SENP7: variants seen among roughly 807,000 people sequenced by gnomAD.
SENP7 encodes SUMO specific peptidase 7, also known as sentrin-specific protease 7.
A neutral mutation model predicts 141.2 loss-of-function variants in SENP7; 64 were observed. The ratio of observed to expected loss-of-function variants is 0.45; its 90% CI spans 0.37 to 0.56. The LOEUF (loss-of-function observed/expected upper bound fraction) is 0.56. Ranked by LOEUF, SENP7 falls within the 20% of genes least tolerant of loss-of-function variation. The pLI is 0.00. For missense variants in SENP7, 1,025 were observed against 1,212.2 expected, an observed-to-expected ratio of 0.85 and a Z score of 2.29; for synonymous variants, 382 against 426.4, an observed-to-expected ratio of 0.90 and a Z score of 1.28.
intron 4 of SENP7, among the ~76,000 whole-genome samples, chr3:101,434,303 T>C (rs1394818622): frequency 6.6e-6 from 1 of 151,968 alleles, no homozygotes; most frequent in Non-Finnish European, 1.5e-5. Flanking sequence ...GGAAAGTTTA[T>C]AGTTTTAAAT....
chr3:101,458,177 C>A (rs1386704016), intron 4 of SENP7, among the ~76,000 whole-genome samples: 1 of 152,082 alleles, frequency 6.6e-6, no homozygotes, highest in Non-Finnish European at 1.5e-5. Context: ...ATGGAGTCAC[C>A]AATATATGTT....
chr3:101,383,026 T>A (rs1428132433), intron 6 of SENP7, among the ~76,000 whole-genome samples: 3 of 152,350 alleles, frequency 2.0e-5, no homozygotes, highest in East Asian at 3.9e-4. Context: ...AGAAATTTTT[T>A]AAAACATATT....
At chr3:101,455,401 A>G (rs1054186263) in intron 4 of SENP7, among the ~76,000 whole-genome samples, 1 of 152,224 alleles carries the variant, frequency 6.6e-6, no homozygotes, top group African/African-American at 2.4e-5. Flanking sequence ...TGCCTAACAT[A>G]TAATAAGTAT....
rs533149744 is a variant in SENP7, at chr3:101,325,333, A to G, written c.*610T>C. 9 of 152,666 alleles carry G rather than the reference A, an allele frequency of 5.9e-5. No homozygotes were observed. The East Asian group carries it at 9.6e-4, about 16-fold the overall frequency. The allele number at this position is 152,666 out of a possible 1,614,324, so 9.5% of individuals were successfully genotyped here. A position where few individuals can be genotyped will look rare whatever the true frequency, so the allele number is the denominator to read the frequency against. ...AAAAGCAGAGTAATCGTATTTAGCA[A>G]TTGAGAATAATAAGCTGCACTTTAA... On this transcript the variant is annotated 3_prime_UTR_variant, in exon 24 of 24. Transcript: ENST00000394095.
At chr3:101,455,182 T>C (rs1343685243) in intron 4 of SENP7, among the ~76,000 whole-genome samples, 1 of 152,154 alleles carries the variant, frequency 6.6e-6, no homozygotes, top group Admixed American at 6.5e-5. Flanking sequence ...ATTTATAAAA[T>C]GTTTCAGATA....
At chr3:101,357,630 G>T (rs777653977) in intron 11 of SENP7, 38 of 842,456 alleles carry the variant, frequency 4.5e-5, no homozygotes, top group Non-Finnish European at 7.6e-5. Context: ...GTGCACAAAA[G>T]CGGTTATAAT....
At chr3:101,448,645 G>A (rs797007365) in intron 4 of SENP7, among the ~76,000 whole-genome samples, 1 of 152,112 alleles carries the variant, frequency 6.6e-6, no homozygotes, top group African/African-American at 2.4e-5. Flanking sequence ...AGGCTACTCA[G>A]CAGACCTGCA....
At position 101,372,107 on chromosome 3, in the gene SENP7, T is replaced by C. The variant is rs2060197731; in HGVS notation, c.697A>G (p.Thr233Ala). Residue 233 changes from threonine to alanine, a missense_variant, in exon 7 of 24, where the codon ACA becomes GCA. Physicochemically the swap from Thr to Ala is moderately conservative, Grantham distance 58. Around this residue, in one of 4 missense-constraint regions of SENP7, gnomAD observed 496 missense variants for 503.5 expected, o/e 0.99. Coordinates refer to ENST00000394095, the MANE Select transcript of SENP7 (RefSeq NM_020654.5). Reference protein sequence around the residue: ...LSERGSQRSKTVDDNSAKQTA... With the variant: ...LSERGSQRSKAVDDNSAKQTA... ...TGCTTTGCAGAATTGTCATCTACTG[T>C]CTTACTTCGTTGTGAGCCCCTGCAA... 1 of 1,553,882 alleles carries C rather than the reference T, an allele frequency of 6.4e-7. No homozygotes were observed. The highest frequency in any genetic ancestry group is 8.8e-7 in the Non-Finnish European group (1 of 1,142,224).
At position 101,439,181 on chromosome 3, in the gene SENP7, G is replaced by A. The variant is rs546883554; in HGVS notation, c.284+19774C>T. On this transcript the variant is annotated intron_variant, in intron 4 of 23. Transcript: ENST00000394095. ...GAGATGTGGGGAGCGCCTCTGCCCC[G>A]CCGCCCCATCTGGGATGTGAGGAGT... Among the ~76,000 whole-genome samples the A allele has an allele frequency of 3.1e-3, 326 of 103,598 alleles. 1 individual carries two copies. The highest frequency in any genetic ancestry group is 0.011 in the African/African-American group (300 of 27,956). 68.0% of individuals were successfully genotyped at this position (103,598 alleles called of 152,430 possible). A position where few individuals can be genotyped will look rare whatever the true frequency, so the allele number is the denominator to read the frequency against.
rs1373106795 is a variant in SENP7 at position 101,325,364 on chromosome 3, C to T, written c.*579G>A. The T allele has an allele frequency of 2.0e-5, 3 of 151,760 alleles. No homozygotes were observed. Among genetic ancestry groups the T allele is most frequent in the Non-Finnish European group, 2.9e-5 (2 of 67,886 alleles). The allele number at this position is 151,760 out of a possible 1,614,324, so 9.4% of individuals were successfully genotyped here. On this transcript the variant is annotated 3_prime_UTR_variant, in exon 24 of 24. Transcript: ENST00000394095. ...AATAATAAGCTGCACTTTAAAAGAG[C>T]GAATTTTTATCATCTTCCTAACATT...
intron 2 of SENP7, among the ~76,000 whole-genome samples, chr3:101,500,274 T>C (rs1260776054): frequency 1.3e-5 from 2 of 152,200 alleles, no homozygotes; most frequent in African/African-American, 2.4e-5. Flanking sequence ...TATCTCTATA[T>C]GCCAGGTATG....
chr3:101,423,908 T>C (rs2061865534), intron 4 of SENP7, among the ~76,000 whole-genome samples: 2 of 152,126 alleles, frequency 1.3e-5, no homozygotes, highest in South Asian at 4.1e-4. Context: ...CAGGGAGAGC[T>C]GCTTAGAGAA....
At chr3:101,371,395 C>G (rs1031034503) in intron 7 of SENP7, among the ~76,000 whole-genome samples, 1 of 152,168 alleles carries the variant, frequency 6.6e-6, no homozygotes, top group African/African-American at 2.4e-5. Context: ...CAACAGACCC[C>G]TAAAGGTGTT....
chr3:101,357,005 T>A (rs1012644573), intron 11 of SENP7, among the ~76,000 whole-genome samples: 2 of 152,076 alleles, frequency 1.3e-5, no homozygotes, highest in African/African-American at 4.8e-5. Context: ...ACTATGAACA[T>A]TCTTTTTTTT....
At chr3:101,404,030 T>C (rs894229644) in intron 5 of SENP7, among the ~76,000 whole-genome samples, 2 of 152,148 alleles carry the variant, frequency 1.3e-5, no homozygotes, top group South Asian at 2.1e-4. Flanking sequence ...ATTCCTATCA[T>C]ACTACCAACA....
intron 5 of SENP7, among the ~76,000 whole-genome samples, chr3:101,399,989 A>T (rs1003206014): frequency 6.6e-6 from 1 of 152,236 alleles, no homozygotes; most frequent in Non-Finnish European, 1.5e-5. Context: ...GCACTATATA[A>T]GCCTGATATC....
At chr3:101,433,907 G>A (rs912904553) in intron 4 of SENP7, among the ~76,000 whole-genome samples, 1 of 151,990 alleles carries the variant, frequency 6.6e-6, no homozygotes, top group African/African-American at 2.4e-5. Context: ...ACAAACATCA[G>A]ACTTAATCCA....
At chr3:101,442,055 G>A (rs2062696661) in intron 4 of SENP7, among the ~76,000 whole-genome samples, 1 of 151,954 alleles carries the variant, frequency 6.6e-6, no homozygotes, top group Admixed American at 6.6e-5. Context: ...ACCAAATGAG[G>A]TTAATCCATA....
At chr3:101,433,663 AAG>A (rs1045543431) in intron 4 of SENP7, among the ~76,000 whole-genome samples, 3 of 152,190 alleles carry the variant, frequency 2.0e-5, no homozygotes, top group Non-Finnish European at 4.4e-5. Context: ...AAATGATAAG[AAG>A]AGACAAATGG....
Sources: allele counts gnomAD v4.1 joint callset (sites outside exome capture counted in the v4.1 genomes callset), GRCh38; gene constraint gnomAD v4.1.1; regional missense constraint gnomAD v4.1.1; transcripts MANE v1.5; gene names NCBI Gene and HGNC (gene_info 2026-07-23, HGNC 2026-07-21).